The following CGN variants were observed in gnomAD, a reference collection of about 807,000 sequenced individuals.
CGN encodes cingulin.
CGN carries 121 observed loss-of-function variants against 157.1 expected under a neutral mutation model. That is an observed-to-expected ratio of 0.77 (90% CI 0.66 to 0.90). The LOEUF (loss-of-function observed/expected upper bound fraction) is 0.90. Among genes scored for constraint, CGN ranks in the 40% least tolerant of loss-of-function variants. The pLI is 0.00. For missense variants in CGN, 1,424 were observed against 1,520.9 expected (o/e 0.94, Z 1.06); for synonymous variants, 535 against 607.5 (o/e 0.88, Z 1.76).
Position 151,524,440 on chromosome 1 carries a change from A to G in CGN, c.1401+82A>G. On this transcript the variant is annotated intron_variant, in intron 7 of 20. Coordinates refer to ENST00000271636, the MANE Select transcript of CGN (RefSeq NM_020770.3). The surrounding 1 kb of genome is among the most constrained non-coding windows in gnomAD (Gnocchi z 4.4). ...AAGTCTGCTCATCCATGGTTTCCCC[A>G]AAGTATGAGGAGTGGGTGGCTGATT... The G allele has an allele frequency of 6.3e-7, 1 of 1,586,010 alleles. No homozygotes were observed.
rs529966281 is a variant in CGN, at chr1:151,524,310, G to A, written c.1353G>A (p.Lys451=). The part of the protein sequence containing the change: ...LETQVMELQN[K]LKHVQGPEPA... ...CCCAGGTGATGGAGCTGCAGAACAA[G>A]CTGAAACATGTCCAGGGTCCTGAGC... The change falls in exon 7 of 21, where the codon AAG becomes AAA. Residue 451 remains lysine, a synonymous_variant. Coordinates refer to ENST00000271636, the MANE Select transcript of CGN (RefSeq NM_020770.3). The surrounding 1 kb of genome is among the most constrained non-coding windows in gnomAD (Gnocchi z 4.4). 200 of 1,614,170 alleles carry A rather than the reference G, an allele frequency of 1.2e-4. No homozygotes were observed. The South Asian group carries it at 1.9e-3, about 16-fold the overall frequency.
In CGN at chr1:151,511,751, C is replaced by T. The variant is rs906983940; in HGVS notation, c.-15+236C>T. ...GGTGCCAGGCGAGGGGCACCTGGGG[C>T]GAAGGCTGTTCCCAGCGCATGAAAG... On this transcript the variant is annotated intron_variant, in intron 1 of 20. Transcript: ENST00000271636. This position sits in a 1 kb window ranked among gnomAD's most constrained non-coding sequence, Gnocchi z 4.8. Among the ~76,000 whole-genome samples, 4 of 152,170 alleles carry T rather than the reference C, an allele frequency of 2.6e-5. No individual in the cohort carries two copies. Among genetic ancestry groups the T allele is most frequent in the African/African-American group, 9.7e-5 (4 of 41,438 alleles).
At chr1:151,515,436 A>G (rs1279183856) in intron 1 of CGN, 2 of 152,280 alleles carry the variant, frequency 1.3e-5, no homozygotes, top group Non-Finnish European at 2.9e-5. Flanking sequence ...CATTTTACAG[A>G]TGAGGAAACT....
At chr1:151,513,598 C>G (rs1159804230) in intron 1 of CGN, among the ~76,000 whole-genome samples, 1 of 152,212 alleles carries the variant, frequency 6.6e-6, no homozygotes, top group African/African-American at 2.4e-5. Context: ...AGCATATTGC[C>G]TGGCCCTATG....
Position 151,519,313 on chromosome 1 carries a change from G to A in CGN, c.794G>A (p.Arg265His), listed in dbSNP as rs368023619. 3.7e-5 allele frequency: 59 copies of A among 1,612,342 alleles called. No individual in the cohort carries two copies. The highest frequency in any genetic ancestry group is 2.1e-4 in the South Asian group (19 of 91,088). The change falls in exon 2 of 21, where the codon CGT becomes CAT. Residue 265 changes from arginine to histidine, a missense_variant. This residue lies in a region of CGN where 1,187 missense variants were observed against 1,217.6 expected (regional missense o/e 0.97). Coordinates refer to ENST00000271636, the MANE Select transcript of CGN (RefSeq NM_020770.3). ...QNLSPLSGFS[R>H]SRQTQDWVLQ... Reference sequence around the variant, plus strand: ...CTGAGTCCTCTCAGTGGCTTTAGCCGTTCTCGTCAGACTCAGGACTGGGTC... The same window carrying A: ...CTGAGTCCTCTCAGTGGCTTTAGCCATTCTCGTCAGACTCAGGACTGGGTC...
chr1:151,534,218 CCA>C (rs1340652538), intron 15 of CGN, 82 bp downstream of exon 15: 1 of 1,321,040 alleles, frequency 7.6e-7, no homozygotes, highest in Non-Finnish European at 1.0e-6. Flanking sequence ...AACCGACAGC[CCA>C]CAGTTGATGA....
In CGN at chr1:151,530,052, A is replaced by C; in HGVS notation, c.2250A>C (p.Arg750=). Residue 750 remains arginine, a synonymous_variant, in exon 12 of 21, where the codon CGA becomes CGC. Transcript: ENST00000271636. ...LGLEQQLKET[R]GLVDGGEAVE... The stretch of plus-strand genomic sequence containing the variant: ...TGGAGCAGCAGCTGAAGGAGACTCG[A>C]GGTCTGGTGGATGGTGGGGAAGCGG... 6.2e-7 allele frequency: 1 copy of C among 1,614,044 alleles called. No homozygotes were observed. Among genetic ancestry groups the C allele is most frequent in the South Asian group, 1.1e-5 (1 of 91,082 alleles).
chr1:151,536,038 GA>G, intron 18 of CGN, 140 bp downstream of exon 18: 2 of 730,160 alleles, frequency 2.7e-6, no homozygotes, highest in South Asian at 3.4e-5. Flanking sequence ...ACTTTCTCCT[GA>G]TAGAGAGCAA....
In CGN at chr1:151,535,600, G is replaced by T. The variant is rs1465901528; in HGVS notation, c.2995G>T (p.Val999Leu). The T allele has an allele frequency of 6.2e-7, 1 of 1,613,382 alleles. No homozygotes were observed. The highest frequency in any genetic ancestry group is 1.1e-5 in the South Asian group (1 of 91,062). ...TGGTCCTCTCACCCATCCCCACTAGGTGGATCAGCTGAGGACAGAGCTCAT... is the reference window on the plus strand; with the variant it reads ...TGGTCCTCTCACCCATCCCCACTAGTTGGATCAGCTGAGGACAGAGCTCAT... ...TDRVNRGRDQ[V>L]DQLRTELMQE... The change falls in exon 17 of 21, where the codon GTG (valine) becomes TTG (leucine). Residue 999 changes from valine (V) to leucine (L), a missense_variant and splice_region_variant. Coordinates refer to ENST00000271636, the MANE Select transcript of CGN (RefSeq NM_020770.3).
At chr1:151,534,246 A>G (rs989248677) in intron 15 of CGN, 110 bp downstream of exon 15, 8 of 1,050,114 alleles carry the variant, frequency 7.6e-6, no homozygotes, top group Non-Finnish European at 1.1e-5. Context: ...GTTTGGCTGC[A>G]GTATTTTCAA....
chr1:151,529,823 C>T, intron 11 of CGN, 86 bp from the exon 12 acceptor site: 2 of 1,291,110 alleles, frequency 1.5e-6, no homozygotes, highest in Non-Finnish European at 2.2e-6. Context: ...GGATGGCTTT[C>T]CTGGGTGTGG....
Position 151,532,562 on chromosome 1 carries a change from T to G in CGN, c.2732T>G (p.Leu911Arg). 6.5e-7 allele frequency: 1 copy of G among 1,537,676 alleles called. No individual in the cohort carries two copies. The highest frequency in any genetic ancestry group is 8.7e-7 in the Non-Finnish European group (1 of 1,147,870). The change falls in exon 14 of 21, where the codon CTT (leucine) becomes CGT (arginine). Residue 911 changes from leucine to arginine, a missense_variant. Transcript: ENST00000271636. ...AEKTSGGLSR[L>R]QDEIQRLRQA... ...AAGACCTCTGGAGGACTGAGCCGACTTCAGGATGAGGTAGAAGTCTAATAT... is the reference window on the plus strand; with the variant it reads ...AAGACCTCTGGAGGACTGAGCCGACGTCAGGATGAGGTAGAAGTCTAATAT...
At chr1:151,513,861 G>A (rs1163186304) in intron 1 of CGN, among the ~76,000 whole-genome samples, 1 of 152,188 alleles carries the variant, frequency 6.6e-6, no homozygotes, top group Non-Finnish European at 1.5e-5. Context: ...CTTGTGGTCT[G>A]GTCTCTTCCT....
rs746568164 is a variant in CGN, at chr1:151,529,926, G to A, written c.2124G>A (p.Glu708=). 2 of 1,613,896 alleles carry A rather than the reference G, an allele frequency of 1.2e-6. No homozygotes were observed. The highest frequency in any genetic ancestry group is 1.7e-6 in the Non-Finnish European group (2 of 1,179,906). Residue 708 remains glutamate, a synonymous_variant, in exon 12 of 21, where the codon GAG becomes GAA. Coordinates refer to ENST00000271636, the MANE Select transcript of CGN (RefSeq NM_020770.3). ...GTCCTTAGGCTAAGATGGTGGCCGA[G>A]GCAGAGGCAACAGTGCTGGGGCAGC... The part of the protein sequence containing the change: ...EEASKAKMVA[E]AEATVLGQRR...
At chr1:151,528,709 C>T (rs1034821711) in intron 10 of CGN, among the ~76,000 whole-genome samples, 1 of 151,984 alleles carries the variant, frequency 6.6e-6, no homozygotes, top group African/African-American at 2.4e-5. Flanking sequence ...GCGCCTGGCC[C>T]CCAGTGGTTT....
chr1:151,532,264 C>G, intron 13 of CGN, 138 bp from the exon 14 acceptor site: 1 of 544,464 alleles, frequency 1.8e-6, no homozygotes, highest in Non-Finnish European at 3.1e-6. Flanking sequence ...ATTAGCTATA[C>G]TAGGAACCTA....
intron 14 of CGN, among the ~76,000 whole-genome samples, chr1:151,532,907 C>T (rs1451278158): frequency 6.6e-6 from 1 of 152,196 alleles, no homozygotes; most frequent in Non-Finnish European, 1.5e-5. Context: ...GCATGAGCCA[C>T]TGCGCCCAGC....
In CGN at chr1:151,524,455, G is replaced by A; in HGVS notation, c.1401+97G>A. The A allele has an allele frequency of 6.5e-7, 1 of 1,548,966 alleles. No individual in the cohort carries two copies. The highest frequency in any genetic ancestry group is 8.8e-7 in the Non-Finnish European group (1 of 1,138,828). On this transcript the variant is annotated intron_variant, in intron 7 of 20. Transcript: ENST00000271636. The surrounding 1 kb of genome is among the most constrained non-coding windows in gnomAD (Gnocchi z 4.4). Reference sequence around the variant, plus strand: ...TGGTTTCCCCAAAGTATGAGGAGTGGGTGGCTGATTACAGGTACTCAGTGT... The same window carrying A: ...TGGTTTCCCCAAAGTATGAGGAGTGAGTGGCTGATTACAGGTACTCAGTGT...
At position 151,537,595 on chromosome 1, in the gene CGN, C is replaced by T. The variant is rs1571673691; in HGVS notation, c.*249C>T. 4.5e-6 allele frequency: 2 copies of T among 440,556 alleles called. No individual in the cohort carries two copies. The highest frequency in any genetic ancestry group is 8.1e-6 in the Non-Finnish European group (2 of 246,702). 27.3% of individuals were successfully genotyped at this position (440,556 alleles called of 1,614,324 possible). A position where few individuals can be genotyped will look rare whatever the true frequency, so the allele number is the denominator to read the frequency against. On this transcript the variant is annotated 3_prime_UTR_variant, in exon 21 of 21. Transcript: ENST00000271636. ...TTTCCTCAAGTGCCGACACCTCCCTCATCTCTCTTATAGTGGAAGGATGGT... is the reference window on the plus strand; with the variant it reads ...TTTCCTCAAGTGCCGACACCTCCCTTATCTCTCTTATAGTGGAAGGATGGT...
Sources: allele counts gnomAD v4.1 joint callset (sites outside exome capture counted in the v4.1 genomes callset), GRCh38; gene constraint gnomAD v4.1.1; regional missense constraint gnomAD v4.1.1; non-coding constraint Gnocchi (gnomAD v3.1); transcripts MANE v1.5; gene names NCBI Gene and HGNC (gene_info 2026-07-23, HGNC 2026-07-21).